ADAMTSL1: variants seen among roughly 807,000 people sequenced by gnomAD.
The protein encoded by ADAMTSL1 is ADAMTS like 1.
Under a neutral mutation model 201.8 loss-of-function variants are expected in ADAMTSL1, and 126 were observed. The ratio of observed to expected loss-of-function variants is 0.62; its 90% CI spans 0.54 to 0.72. The LOEUF (loss-of-function observed/expected upper bound fraction) is 0.72, where lower values mean the gene tolerates loss of function less well. Ranked by LOEUF, ADAMTSL1 falls within the 30% of genes least tolerant of loss-of-function variation. The pLI is 0.00. For missense variants in ADAMTSL1, 2,679 were observed against 2,277.8 expected, an observed-to-expected ratio of 1.18 and a Z score of -3.59; for synonymous variants, 1,121 against 903.4, an observed-to-expected ratio of 1.24 and a Z score of -4.32.
intron 2 of ADAMTSL1, among the ~76,000 whole-genome samples, chr9:18,438,296 T>C (rs975288951): frequency 6.6e-6 from 1 of 152,054 alleles, no homozygotes; most frequent in Non-Finnish European, 1.5e-5. Context: ...AACTTGTTAT[T>C]TTTGAAAAAT....
chr9:18,085,042 C>T (rs930785288), intron 1 of ADAMTSL1, among the ~76,000 whole-genome samples: 3 of 152,052 alleles, frequency 2.0e-5, no homozygotes, highest in Non-Finnish European at 4.4e-5. Flanking sequence ...GCTGACGGAA[C>T]AGCAAGTGCT....
chr9:18,458,176 C>T (rs957957853), intron 2 of ADAMTSL1, among the ~76,000 whole-genome samples: 3 of 152,182 alleles, frequency 2.0e-5, no homozygotes, highest in Non-Finnish European at 4.4e-5. Context: ...CCTTGAAAGG[C>T]TGTTTTCATT....
intron 2 of ADAMTSL1, among the ~76,000 whole-genome samples, chr9:18,408,147 G>A (rs1167049466): frequency 1.3e-5 from 2 of 152,108 alleles, no homozygotes; most frequent in East Asian, 1.9e-4. Flanking sequence ...CAAGCTGAGA[G>A]GAACAGCTAT....
intron 23 of ADAMTSL1, among the ~76,000 whole-genome samples, chr9:18,878,673 T>C (rs983292891): frequency 6.6e-6 from 1 of 152,246 alleles, no homozygotes; most frequent in African/African-American, 2.4e-5. Flanking sequence ...AGCTGCTTCC[T>C]TGAAAGGGTC....
intron 1 of ADAMTSL1, among the ~76,000 whole-genome samples, chr9:18,105,985 C>A (rs963378553): frequency 1.3e-5 from 2 of 152,198 alleles, no homozygotes. Context: ...TTTGCAATAT[C>A]GGTCAGGAGA....
chr9:18,626,514 T>C (rs1397712861), intron 5 of ADAMTSL1, among the ~76,000 whole-genome samples: 1 of 152,174 alleles, frequency 6.6e-6, no homozygotes, highest in Non-Finnish European at 1.5e-5. Context: ...AAGAAGCCAG[T>C]GTGACTAAAA....
chr9:18,405,888 A>T (rs781089846), intron 2 of ADAMTSL1, among the ~76,000 whole-genome samples: 1 of 152,100 alleles, frequency 6.6e-6, no homozygotes, highest in African/African-American at 2.4e-5. Flanking sequence ...TTCTTTTTTT[A>T]AAAAAACAAT....
intron 19 of ADAMTSL1, among the ~76,000 whole-genome samples, chr9:18,795,059 C>T (rs1324039177): frequency 6.6e-6 from 1 of 152,156 alleles, no homozygotes; most frequent in East Asian, 1.9e-4. Flanking sequence ...CTATCTGTAC[C>T]GTTTGTTCTA....
rs1470028517 is a variant in ADAMTSL1, at chr9:18,279,095, A to G, written c.207+115114A>G. Among the ~76,000 whole-genome samples the G allele has an allele frequency of 2.0e-5, 3 of 152,186 alleles. No individual in the cohort carries two copies. The East Asian group carries it at 5.8e-4, about 29-fold the overall frequency. On this transcript the variant is annotated intron_variant, in intron 2 of 29. Coordinates refer to the ADAMTSL1 transcript ENST00000680146. ...CCCTCCTAATTTCATTCACTTGTAT[A>G]TCTGTGTTCTCCTGTAGCTCACTGA...
At chr9:18,451,737 A>G (rs1820413823) in intron 2 of ADAMTSL1, among the ~76,000 whole-genome samples, 1 of 152,246 alleles carries the variant, frequency 6.6e-6, no homozygotes, top group African/African-American at 2.4e-5. Context: ...TTGTGTTACT[A>G]TAACAGAATA....
chr9:18,646,895 A>T (rs4977282), intron 7 of ADAMTSL1, among the ~76,000 whole-genome samples: 40,042 of 151,518 alleles, frequency 0.26, 5,827 homozygotes, highest in East Asian at 0.65. Context: ...AGGATGATGC[A>T]GGCCTCATCA....
intron 14 of ADAMTSL1, among the ~76,000 whole-genome samples, chr9:18,719,667 T>C (rs1288761956): frequency 1.3e-5 from 2 of 152,314 alleles, no homozygotes; most frequent in East Asian, 1.9e-4. Flanking sequence ...CCTGGCTTTG[T>C]GGTTCTTTTT....
intron 2 of ADAMTSL1, among the ~76,000 whole-genome samples, chr9:18,238,196 G>A (rs201448336): frequency 1.3e-5 from 2 of 152,230 alleles, no homozygotes; most frequent in East Asian, 3.9e-4. Context: ...TGAGTTTTAG[G>A]ACTATGTGGA....
chr9:18,812,675 G>C (rs544982898), intron 20 of ADAMTSL1, among the ~76,000 whole-genome samples: 171 of 152,054 alleles, frequency 1.1e-3, no homozygotes, highest in African/African-American at 4.0e-3. Flanking sequence ...TATCATTTTG[G>C]GTCTTACATT....
At chr9:18,213,937 A>G (rs1046402588) in intron 2 of ADAMTSL1, among the ~76,000 whole-genome samples, 1 of 152,096 alleles carries the variant, frequency 6.6e-6, no homozygotes, top group South Asian at 2.1e-4. Context: ...GGGTTTCACC[A>G]TGTTGGCCAG....
chr9:18,003,963 A>G (rs188141726), intron 1 of ADAMTSL1, among the ~76,000 whole-genome samples: 28 of 152,172 alleles, frequency 1.8e-4, no homozygotes, highest in African/African-American at 6.5e-4. Context: ...AGTTGGAAAA[A>G]AGGATTCCAA....
intron 1 of ADAMTSL1, among the ~76,000 whole-genome samples, chr9:18,084,376 G>T (rs545864312): frequency 6.6e-6 from 1 of 152,146 alleles, no homozygotes; most frequent in East Asian, 1.9e-4. Flanking sequence ...GCAAAAATTA[G>T]CTGGGCGCGG....
intron 8 of ADAMTSL1, 27 bp downstream of exon 8, chr9:18,657,777 C>G (rs777979788): frequency 1.3e-6 from 2 of 1,567,348 alleles, no homozygotes; most frequent in Admixed American, 3.3e-5. Flanking sequence ...AGTCTAAAAA[C>G]TGTTGGCTTC....
chr9:18,411,172 T>TTATG (rs1221920655), intron 2 of ADAMTSL1, among the ~76,000 whole-genome samples: 1 of 147,998 alleles, frequency 6.8e-6, no homozygotes, highest in Non-Finnish European at 1.5e-5. Context: ...CTTTATTTAT[T>TTATG]TATTTATTTA....
Sources: allele counts gnomAD v4.1 joint callset (sites outside exome capture counted in the v4.1 genomes callset), GRCh38; gene constraint gnomAD v4.1.1; transcripts MANE v1.5; gene names NCBI Gene and HGNC (gene_info 2026-07-23, HGNC 2026-07-21).